VAV3: variants seen among roughly 807,000 people sequenced by gnomAD.
The protein encoded by VAV3 is guanine nucleotide exchange factor VAV3.
In VAV3, 94 loss-of-function variants were observed where a neutral mutation model predicts 131.2. The observed-to-expected ratio is 0.72, with a 90% CI of 0.61 to 0.85. The LOEUF (loss-of-function observed/expected upper bound fraction) is 0.85, where lower values mean the gene tolerates loss of function less well. Ranked by LOEUF, VAV3 falls within the 40% of genes least tolerant of loss-of-function variation. The pLI, the probability that VAV3 is intolerant of heterozygous loss-of-function variation, is 0.00. For synonymous variants in VAV3, 349 were observed against 342.0 expected (o/e 1.02, Z -0.22); for missense variants, 939 against 1,002.7 (o/e 0.94, Z 0.86).
At chr1:107,677,333 C>T (rs1249180368) in intron 19 of VAV3, among the ~76,000 whole-genome samples, 1 of 151,978 alleles carries the variant, frequency 6.6e-6, no homozygotes, top group African/African-American at 2.4e-5. Flanking sequence ...ATGTTTTGAC[C>T]CAGTTAGTTC....
intron 1 of VAV3, among the ~76,000 whole-genome samples, chr1:107,947,950 T>C (rs566381006): frequency 2.6e-5 from 4 of 152,280 alleles, no homozygotes; most frequent in South Asian, 2.1e-4. Context: ...TAACTTATGG[T>C]GACGCCTAAA....
chr1:107,740,528 T>A (rs1044541699), intron 15 of VAV3, among the ~76,000 whole-genome samples: 2 of 152,136 alleles, frequency 1.3e-5, no homozygotes, highest in African/African-American at 2.4e-5. Context: ...GGTTTATAGT[T>A]TTTTTTGGTG....
At chr1:107,882,307 A>C (rs1670820752) in intron 1 of VAV3, among the ~76,000 whole-genome samples, 1 of 152,156 alleles carries the variant, frequency 6.6e-6, no homozygotes, top group Admixed American at 6.5e-5. Context: ...TCTCAGAATA[A>C]AGAAGTTCTC....
At chr1:107,662,899 C>G (rs1217578432) in intron 19 of VAV3, among the ~76,000 whole-genome samples, 1 of 152,194 alleles carries the variant, frequency 6.6e-6, no homozygotes, top group Admixed American at 6.5e-5. Context: ...TTCCCCAACA[C>G]TGAAACCCTC....
At chr1:107,956,353 T>C (rs1674812758) in intron 1 of VAV3, among the ~76,000 whole-genome samples, 1 of 152,200 alleles carries the variant, frequency 6.6e-6, no homozygotes, top group African/African-American at 2.4e-5. Context: ...CAAACTTTTT[T>C]TTCCTCAGGA....
At chr1:107,762,609 T>C (rs1302867346) in intron 9 of VAV3, among the ~76,000 whole-genome samples, 1 of 152,186 alleles carries the variant, frequency 6.6e-6, no homozygotes, top group African/African-American at 2.4e-5. Flanking sequence ...GGAATTAAGG[T>C]TGTAGCTTAT....
chr1:107,897,638 C>T (rs1477563014), intron 1 of VAV3, among the ~76,000 whole-genome samples: 1 of 152,070 alleles, frequency 6.6e-6, no homozygotes, highest in African/African-American at 2.4e-5. Context: ...TGCATTCACC[C>T]TGCCCATGAC....
chr1:107,720,428 TAAAA>T (rs1355046122), intron 15 of VAV3, among the ~76,000 whole-genome samples: 4 of 114,646 alleles, frequency 3.5e-5, no homozygotes, highest in Non-Finnish European at 7.0e-5. Context: ...AATAAATAAA[TAAAA>T]GTTCCATCTG....
At chr1:107,866,088 G>A (rs941164801) in intron 2 of VAV3, among the ~76,000 whole-genome samples, 16 of 152,246 alleles carry the variant, frequency 1.1e-4, no homozygotes, top group African/African-American at 3.6e-4. Flanking sequence ...AAGAATCATG[G>A]GAAAGGGGCC....
chr1:107,652,573 C>CA (rs1656252344), intron 19 of VAV3, among the ~76,000 whole-genome samples: 1 of 152,114 alleles, frequency 6.6e-6, no homozygotes, highest in South Asian at 2.1e-4. Flanking sequence ...TATGAACTTG[C>CA]AATTCACATA....
At chr1:107,932,123 A>T (rs1344157492) in intron 1 of VAV3, among the ~76,000 whole-genome samples, 1 of 152,206 alleles carries the variant, frequency 6.6e-6, no homozygotes, top group Non-Finnish European at 1.5e-5. Context: ...GTGGCATGTC[A>T]ATTGGTTCAT....
At chr1:107,917,995 A>G (rs1672703513) in intron 1 of VAV3, among the ~76,000 whole-genome samples, 1 of 152,230 alleles carries the variant, frequency 6.6e-6, no homozygotes, top group African/African-American at 2.4e-5. Flanking sequence ...AGAATAGAAT[A>G]ACAGTTAATT....
chr1:107,814,085 G>C (rs938838760), intron 2 of VAV3, among the ~76,000 whole-genome samples: 4 of 150,440 alleles, frequency 2.7e-5, no homozygotes, highest in African/African-American at 9.8e-5. Context: ...CCATATCTTG[G>C]CAATTGTGAA....
At chr1:107,589,851 T>A (rs1650803008) in intron 25 of VAV3, among the ~76,000 whole-genome samples, 1 of 152,214 alleles carries the variant, frequency 6.6e-6, no homozygotes. Context: ...TTGTCTCTAT[T>A]CTATTGTAAT....
intron 1 of VAV3, among the ~76,000 whole-genome samples, chr1:107,876,969 A>G (rs990285862): frequency 6.6e-6 from 1 of 152,046 alleles, no homozygotes; most frequent in Non-Finnish European, 1.5e-5. Flanking sequence ...TGCAGAAAGC[A>G]TATCTTTTTT....
chr1:107,931,160 C>A (rs932778544), intron 1 of VAV3, among the ~76,000 whole-genome samples: 1 of 152,026 alleles, frequency 6.6e-6, no homozygotes, highest in African/African-American at 2.4e-5. Flanking sequence ...TTGAGACAAT[C>A]TAAGAAATCT....
chr1:107,779,404 G>A, intron 3 of VAV3, 30 bp downstream of exon 3: 2 of 1,559,344 alleles, frequency 1.3e-6, no homozygotes, highest in African/African-American at 1.4e-5. Flanking sequence ...GAACTCAATG[G>A]GACACATGAA....
chr1:107,645,739 C>T (rs1330299686), intron 19 of VAV3, among the ~76,000 whole-genome samples: 1 of 152,082 alleles, frequency 6.6e-6, no homozygotes, highest in Non-Finnish European at 1.5e-5. Flanking sequence ...TCACACTTCA[C>T]AAATGAGATC....
At chr1:107,882,534 CTTTT>C (rs200666582) in intron 1 of VAV3, among the ~76,000 whole-genome samples, 5 of 151,834 alleles carry the variant, frequency 3.3e-5, no homozygotes, top group African/African-American at 1.2e-4. Flanking sequence ...TCAGATCATC[CTTTT>C]TTTTAACTGG....
Sources: allele counts gnomAD v4.1 joint callset (sites outside exome capture counted in the v4.1 genomes callset), GRCh38; gene constraint gnomAD v4.1.1; transcripts MANE v1.5; gene names NCBI Gene and HGNC (gene_info 2026-07-23, HGNC 2026-07-21).